The following CACNA1B variants were observed in gnomAD, a reference collection of about 807,000 sequenced individuals.
CACNA1B encodes the protein calcium voltage-gated channel subunit alpha1 B.
CACNA1B carries 70 observed loss-of-function variants against 247.2 expected under a neutral mutation model. The ratio of observed to expected loss-of-function variants is 0.28; its 90% CI spans 0.23 to 0.35. CACNA1B has a LOEUF of 0.35. Ranked by LOEUF, CACNA1B falls within the 10% of genes least tolerant of loss-of-function variation. The pLI is 1.00. For synonymous variants in CACNA1B, 1,231 were observed against 1,294.4 expected (o/e 0.95, Z 1.05); for missense variants, 2,367 against 3,197.4 (o/e 0.74, Z 6.26).
In CACNA1B at chr9:137,986,443, G is replaced by T. The variant is rs1958363074; in HGVS notation, c.1800G>T (p.Val600=). Residue 600 remains valine, a synonymous_variant, in exon 14 of 47, where the codon GTG becomes GTT. Coordinates refer to ENST00000371372, the MANE Select transcript of CACNA1B (RefSeq NM_000718.4). This position sits in a 1 kb window ranked among gnomAD's most constrained non-coding sequence, Gnocchi z 6.0. The part of the protein sequence containing the change: ...KYWSSLRNLV[V]SLLNSMKSII... ...GGAGCTCCCTGCGGAACCTGGTGGTGTCCCTGCTGAACTCCATGAAGTCCA... is the reference window on the plus strand; with the variant it reads ...GGAGCTCCCTGCGGAACCTGGTGGTTTCCCTGCTGAACTCCATGAAGTCCA... 6.2e-7 allele frequency: 1 copy of T among 1,613,784 alleles called. No homozygotes were observed. Among genetic ancestry groups the T allele is most frequent in the Non-Finnish European group, 8.5e-7 (1 of 1,179,840 alleles).
intron 11 of CACNA1B, among the ~76,000 whole-genome samples, chr9:137,972,719 G>T (rs960112128): frequency 2.0e-5 from 3 of 152,198 alleles, no homozygotes; most frequent in Non-Finnish European, 4.4e-5. Flanking sequence ...TGGCTGTGTT[G>T]GGGTGGAACT....
Position 138,120,819 on chromosome 9 carries a change from C to A in CACNA1B, c.6427C>A (p.Pro2143Thr). ...FGGREPPKPK[P>T]SLSSHPTSPT... Reference sequence around the variant, plus strand: ...GGGCCGTGAGCCCCCGAAGCCCAAGCCCTCCCTCAGCAGCCACCCAACGTC... The same window carrying A: ...GGGCCGTGAGCCCCCGAAGCCCAAGACCTCCCTCAGCAGCCACCCAACGTC... The change falls in exon 46 of 47, where the codon CCC becomes ACC. Residue 2143 changes from proline to threonine, a missense_variant. Pro to Thr is a conservative substitution (Grantham distance 38). Around this residue, in one of 12 missense-constraint regions of CACNA1B, gnomAD observed 773 missense variants for 779.4 expected, o/e 0.99. Coordinates refer to ENST00000371372, the MANE Select transcript of CACNA1B (RefSeq NM_000718.4). The A allele has an allele frequency of 6.4e-7, 1 of 1,566,626 alleles. No homozygotes were observed. Among genetic ancestry groups the A allele is most frequent in the African/African-American group, 1.4e-5 (1 of 73,656 alleles).
chr9:137,932,805 C>T (rs894385936), intron 6 of CACNA1B, among the ~76,000 whole-genome samples: 1 of 152,108 alleles, frequency 6.6e-6, no homozygotes, highest in Admixed American at 6.5e-5. Flanking sequence ...CCATGAAAAC[C>T]GTACAGGTTA....
intron 34 of CACNA1B, among the ~76,000 whole-genome samples, chr9:138,074,395 C>T (rs1171309689): frequency 2.0e-5 from 3 of 152,132 alleles, no homozygotes; most frequent in Non-Finnish European, 2.9e-5. Flanking sequence ...TGTGTGCCAC[C>T]ACGCCCGGCT....
chr9:138,060,347 A>G (rs1959677483), intron 31 of CACNA1B, among the ~76,000 whole-genome samples: 1 of 152,214 alleles, frequency 6.6e-6, no homozygotes. Flanking sequence ...AAGCAGACGC[A>G]GACACGAGCA....
At chr9:138,110,205 C>T (rs908469576) in intron 39 of CACNA1B, among the ~76,000 whole-genome samples, 15 of 152,100 alleles carry the variant, frequency 9.9e-5, no homozygotes, top group African/African-American at 3.4e-4. Context: ...GTCTCTGCCT[C>T]CTGGGTTCAA....
At position 138,073,180 on chromosome 9, in the gene CACNA1B, CAG is replaced by C. The variant is rs140815176; in HGVS notation, c.4675-302_4675-301del. On this transcript the variant is annotated intron_variant, in intron 32 of 46. Transcript: ENST00000371372. This position sits in a 1 kb window ranked among gnomAD's most constrained non-coding sequence, Gnocchi z 6.4. The stretch of plus-strand genomic sequence containing the variant: ...GGTGATCTCCCAGCTCACCTGGCAG[CAG>C]AGAGATGCCTGGGAGAACTTTTCTT... 6.4e-3 allele frequency among the ~76,000 whole-genome samples: 981 copies of C among 152,298 alleles called. 6 individuals are homozygous for C. The highest frequency in any genetic ancestry group is 0.011 in the Non-Finnish European group (751 of 68,026).
At chr9:137,967,033 GT>G (rs2133359186) in intron 10 of CACNA1B, among the ~76,000 whole-genome samples, 1 of 151,162 alleles carries the variant, frequency 6.6e-6, no homozygotes, top group East Asian at 1.9e-4. Context: ...GGTGAATCCA[GT>G]CTCTCCATTT....
Position 137,914,518 on chromosome 9 carries a change from C to T in CACNA1B, c.623-136C>T. 1 of 690,936 alleles carries T rather than the reference C, an allele frequency of 1.4e-6. No homozygotes were observed. The highest frequency in any genetic ancestry group is 2.5e-6 in the Non-Finnish European group (1 of 406,922). The allele number at this position is 690,936 out of a possible 1,614,324, so 42.8% of individuals were successfully genotyped here. ...CGCCTTAAGGGGCTTCAGCTCTATCCTTTGCCCTTGCAAGCACTCACTGCT... is the reference window on the plus strand; with the variant it reads ...CGCCTTAAGGGGCTTCAGCTCTATCTTTTGCCCTTGCAAGCACTCACTGCT... On this transcript the variant is annotated intron_variant, in intron 4 of 46. Transcript: ENST00000371372. This position sits in a 1 kb window ranked among gnomAD's most constrained non-coding sequence, Gnocchi z 4.3.
chr9:138,054,640 C>T lies in CACNA1B; in HGVS notation c.3968+634C>T, dbSNP rs147866921. Among the ~76,000 whole-genome samples, 46 of 152,282 alleles carry T rather than the reference C, an allele frequency of 3.0e-4. No homozygotes were observed. The East Asian group carries it at 6.4e-3, about 21-fold the overall frequency. The stretch of plus-strand genomic sequence containing the variant: ...GCTGTTTGCAGCTGGGAATGCTGCA[C>T]GTGCACACGTCCGCCAGGGAGCAGT... On this transcript the variant is annotated intron_variant, in intron 26 of 46. Transcript: ENST00000371372. The surrounding 1 kb of genome is among the most constrained non-coding windows in gnomAD (Gnocchi z 4.6).
chr9:138,004,935 G>T (rs1449343604), intron 15 of CACNA1B, among the ~76,000 whole-genome samples: 1 of 152,192 alleles, frequency 6.6e-6, no homozygotes, highest in Non-Finnish European at 1.5e-5. Context: ...CCACAGTGAG[G>T]TATCGTCTCA....
intron 42 of CACNA1B, among the ~76,000 whole-genome samples, chr9:138,117,689 C>T (rs1361454131): frequency 6.6e-6 from 1 of 152,212 alleles, no homozygotes; most frequent in African/African-American, 2.4e-5. Flanking sequence ...CTCTCTGCCA[C>T]TCTGAATCCC....
chr9:138,006,360 G>A (rs1235876089), intron 15 of CACNA1B, among the ~76,000 whole-genome samples: 1 of 152,192 alleles, frequency 6.6e-6, no homozygotes, highest in African/African-American at 2.4e-5. Context: ...TGCTTCTGCT[G>A]GGTGGCCGTG....
chr9:137,897,694 GT>G (rs2133253722), intron 3 of CACNA1B, among the ~76,000 whole-genome samples: 1 of 152,040 alleles, frequency 6.6e-6, no homozygotes, highest in African/African-American at 2.4e-5. Context: ...TTTATTTTGT[GT>G]TTTTATCATT....
At chr9:137,985,784 C>T (rs1416126052) in intron 13 of CACNA1B, among the ~76,000 whole-genome samples, 1 of 152,192 alleles carries the variant, frequency 6.6e-6, no homozygotes, top group Non-Finnish European at 1.5e-5. Context: ...CACCTGTGTG[C>T]CATGGGGACC....
intron 38 of CACNA1B, among the ~76,000 whole-genome samples, chr9:138,103,062 C>T (rs555799874): frequency 2.8e-4 from 43 of 152,188 alleles, no homozygotes; most frequent in African/African-American, 9.4e-4. Context: ...CCTTTGAGAG[C>T]CCCCTGGAGG....
At chr9:137,968,239 C>A (rs148156528) in intron 10 of CACNA1B, among the ~76,000 whole-genome samples, 1 of 152,118 alleles carries the variant, frequency 6.6e-6, no homozygotes, top group Admixed American at 6.6e-5. Flanking sequence ...GAGACGAAGC[C>A]GTGCTTGAAT....
chr9:138,075,411 C>T (rs1023630691), intron 34 of CACNA1B, among the ~76,000 whole-genome samples: 2 of 152,166 alleles, frequency 1.3e-5, no homozygotes, highest in African/African-American at 2.4e-5. Context: ...CTAAAAAGCC[C>T]GTTGTACTAT....
At chr9:138,080,251 A>G (rs1261056389) in intron 36 of CACNA1B, among the ~76,000 whole-genome samples, 1 of 152,206 alleles carries the variant, frequency 6.6e-6, no homozygotes, top group Admixed American at 6.6e-5. Flanking sequence ...ACGTGGGATC[A>G]AAGCTGGGGA....
Sources: allele counts gnomAD v4.1 joint callset (sites outside exome capture counted in the v4.1 genomes callset), GRCh38; gene constraint gnomAD v4.1.1; regional missense constraint gnomAD v4.1.1; non-coding constraint Gnocchi (gnomAD v3.1); transcripts MANE v1.5; gene names NCBI Gene and HGNC (gene_info 2026-07-23, HGNC 2026-07-21).